The following SUCO variants were observed in gnomAD, a reference collection of about 807,000 sequenced individuals.
SUCO encodes SUN domain-containing ossification factor.
A neutral mutation model predicts 148.1 loss-of-function variants in SUCO; 57 were observed. The observed-to-expected ratio is 0.38, with a 90% CI of 0.31 to 0.48. SUCO has a LOEUF of 0.48. SUCO is among the 20% of genes least tolerant of loss of function. The pLI is 0.96. For missense variants in SUCO, 1,331 were observed against 1,468.2 expected (o/e 0.91, Z 1.53); for synonymous variants, 470 against 502.7 (o/e 0.93, Z 0.87).
intron 1 of SUCO, among the ~76,000 whole-genome samples, chr1:172,534,796 G>A (rs1408339226): frequency 1.3e-5 from 2 of 151,866 alleles, no homozygotes; most frequent in Non-Finnish European, 2.9e-5. Context: ...TCTCTTTCTG[G>A]GGCTGCCTAG....
At chr1:172,574,763 T>G (rs1459715776) in intron 10 of SUCO, 4 of 321,514 alleles carry the variant, frequency 1.2e-5, no homozygotes, top group Non-Finnish European at 1.8e-5. Context: ...ATGGAACTGT[T>G]ATTTTGTCAT....
chr1:172,572,696 TAAAA>T (rs61248782), intron 9 of SUCO, among the ~76,000 whole-genome samples: 595 of 49,584 alleles, frequency 0.012, 2 homozygotes, highest in African/African-American at 0.038. Flanking sequence ...GAATGATCAA[TAAAA>T]AAAAAAAAAA....
At chr1:172,563,181 T>C (rs528548398) in intron 6 of SUCO, among the ~76,000 whole-genome samples, 3 of 152,180 alleles carry the variant, frequency 2.0e-5, no homozygotes, top group South Asian at 2.1e-4. Flanking sequence ...ATATAGAAAA[T>C]TGGTACCAGA....
intron 18 of SUCO, 62 bp downstream of exon 18, chr1:172,589,988 T>A: frequency 1.5e-6 from 2 of 1,319,314 alleles, no homozygotes; most frequent in South Asian, 3.6e-5. Context: ...GCATAGAGTA[T>A]GACCTGTGAT....
chr1:172,596,918 A>T (rs1052641215), intron 19 of SUCO, among the ~76,000 whole-genome samples: 1 of 152,158 alleles, frequency 6.6e-6, no homozygotes, highest in Non-Finnish European at 1.5e-5. Context: ...GGCCTCCTTG[A>T]GCTGCGCTGG....
chr1:172,578,488 T>C (rs886831545), intron 14 of SUCO, 99 bp downstream of exon 14: 2 of 1,408,182 alleles, frequency 1.4e-6, no homozygotes, highest in Non-Finnish European at 1.9e-6. Context: ...TCAATATGAC[T>C]GTTGTCTTCA....
chr1:172,560,795 C>T (rs976067484), intron 6 of SUCO, among the ~76,000 whole-genome samples: 1 of 152,162 alleles, frequency 6.6e-6, no homozygotes, highest in Non-Finnish European at 1.5e-5. Flanking sequence ...AAACAAAAAA[C>T]AGATGACTAC....
At chr1:172,601,794 T>C (rs1258887894) in intron 20 of SUCO, among the ~76,000 whole-genome samples, 2 of 152,192 alleles carry the variant, frequency 1.3e-5, no homozygotes, top group African/African-American at 4.8e-5. Flanking sequence ...ATGTTAACAA[T>C]TGGTGAGATA....
At position 172,556,033 on chromosome 1, in the gene SUCO, T is replaced by G. The variant is rs753943099; in HGVS notation, c.443+10T>G. The G allele has an allele frequency of 6.3e-7, 1 of 1,599,080 alleles. No individual in the cohort carries two copies. The highest frequency in any genetic ancestry group is 1.3e-5 in the African/African-American group (1 of 74,310). On this transcript the variant is annotated intron_variant, in intron 4 of 23. Coordinates refer to ENST00000263688, the MANE Select transcript of SUCO (RefSeq NM_014283.5). ...CAATCTCAAAGCTTGAGTAAGTTGT[T>G]ACAAAAAACAAACACAAAAAAGAAT...
chr1:172,588,713 T>C (rs1656404956), intron 17 of SUCO, 47 bp from the exon 18 acceptor site: 1 of 1,315,462 alleles, frequency 7.6e-7, no homozygotes, highest in Non-Finnish European at 9.8e-7. Flanking sequence ...ATTTCAACTT[T>C]AGACTTCTAA....
intron 23 of SUCO, 68 bp from the exon 24 acceptor site, chr1:172,609,748 T>A (rs1388349941): frequency 5.2e-6 from 8 of 1,530,494 alleles, no homozygotes; most frequent in Non-Finnish European, 6.1e-6. Flanking sequence ...TTAGCTCAGC[T>A]CTCTAGGTGT....
chr1:172,554,502 C>T (rs1178627642), intron 3 of SUCO, among the ~76,000 whole-genome samples: 1 of 152,038 alleles, frequency 6.6e-6, no homozygotes, highest in Non-Finnish European at 1.5e-5. Context: ...GCATGTAGGC[C>T]GGGCACAGTG....
intron 1 of SUCO, among the ~76,000 whole-genome samples, chr1:172,549,706 T>C (rs1653131580): frequency 6.6e-6 from 1 of 151,976 alleles, no homozygotes; most frequent in African/African-American, 2.4e-5. Flanking sequence ...GTCCCTCTGC[T>C]GTTCTTTTTA....
At chr1:172,533,794 G>A (rs1388185192) in intron 1 of SUCO, among the ~76,000 whole-genome samples, 1 of 152,200 alleles carries the variant, frequency 6.6e-6, no homozygotes, top group East Asian at 1.9e-4. Context: ...TGGAGACGGT[G>A]CAGGGTTTGG....
rs1226435978 is a variant in SUCO, at chr1:172,533,363, C to T, written c.-73C>T. 6.4e-7 allele frequency: 1 copy of T among 1,551,844 alleles called. No homozygotes were observed. Among genetic ancestry groups the T allele is most frequent in the African/African-American group, 1.4e-5 (1 of 73,176 alleles). Reference sequence around the variant, plus strand: ...TTCTCGCGCTCCTGCTCCGGCTCCTCCATCTTGGCCTCGGCAGTGGCGGCT... The same window carrying T: ...TTCTCGCGCTCCTGCTCCGGCTCCTTCATCTTGGCCTCGGCAGTGGCGGCT... On this transcript the variant is annotated 5_prime_UTR_variant, in exon 1 of 24. Transcript: ENST00000263688.
chr1:172,554,265 G>T (rs1653551758), intron 3 of SUCO, among the ~76,000 whole-genome samples: 1 of 152,118 alleles, frequency 6.6e-6, no homozygotes, highest in Non-Finnish European at 1.5e-5. Flanking sequence ...CCTTACAATT[G>T]TATGACTATC....
rs146880136 is a variant in SUCO at position 172,588,920 on chromosome 1, C to A, written c.1819C>A (p.Pro607Thr). 95 of 1,612,606 alleles carry A rather than the reference C, an allele frequency of 5.9e-5. No homozygotes were observed. In the African/African-American group the frequency reaches 1.1e-3, roughly 19 times the overall value. The change falls in exon 18 of 24, where the codon CCC becomes ACC. Residue 607 changes from proline (P) to threonine (T), a missense_variant. By Grantham distance (38) the Pro-to-Thr change is conservative. Coordinates refer to ENST00000263688, the MANE Select transcript of SUCO (RefSeq NM_014283.5). ...CGGTGAACAGGAAGATGAATCATCA[C>A]CCTGGTTTGAGTCAGAGACACAAAT... The part of the protein sequence containing the change: ...GSGEQEDESS[P>T]WFESETQIFC...
In SUCO at chr1:172,599,222, G is replaced by C. The variant is rs979123376; in HGVS notation, c.2914-842G>C. The stretch of plus-strand genomic sequence containing the variant: ...CGGGCACCTGTAGTCCCAGCTACTC[G>C]GGAGGCTGAGGCAGGAGAATGGCAT... On this transcript the variant is annotated intron_variant, in intron 19 of 23. Transcript: ENST00000263688. 8.5e-5 allele frequency among the ~76,000 whole-genome samples: 13 copies of C among 152,170 alleles called. No homozygotes were observed. The East Asian group carries it at 2.3e-3, about 27-fold the overall frequency.
Position 172,589,824 on chromosome 1 carries a change from C to T in SUCO, c.2723C>T (p.Ser908Leu), listed in dbSNP as rs1216849128. Residue 908 changes from serine to leucine, a missense_variant, in exon 18 of 24, where the codon TCA becomes TTA. Ser to Leu is a moderately radical substitution (Grantham distance 145, BLOSUM62 -2). Around this residue, in one of 3 missense-constraint regions of SUCO, gnomAD observed 992 missense variants for 1,093.5 expected, o/e 0.91. Transcript: ENST00000263688. ...GYANGNLVHG[S>L]NQKESVFMRL... Reference sequence around the variant, plus strand: ...GCTAATGGAAATCTTGTACATGGATCAAACCAAAAGGAGTCAGTATTTATG... The same window carrying T: ...GCTAATGGAAATCTTGTACATGGATTAAACCAAAAGGAGTCAGTATTTATG... 10 of 1,609,202 alleles carry T rather than the reference C, an allele frequency of 6.2e-6. No homozygotes were observed. Among genetic ancestry groups the T allele is most frequent in the Non-Finnish European group, 7.6e-6 (9 of 1,178,632 alleles).
Sources: gnomAD v4.1 joint callset for allele counts (sites outside exome capture counted in the v4.1 genomes callset) on GRCh38, gnomAD v4.1.1 for gene constraint, gnomAD v4.1.1 regional missense constraint, MANE v1.5 for transcripts, NCBI Gene and HGNC (gene_info 2026-07-23, HGNC 2026-07-21) for gene names.